The following SNTB1 variants were observed in gnomAD, a reference collection of about 807,000 sequenced individuals.
SNTB1 encodes beta-1-syntrophin.
A neutral mutation model predicts 48.9 loss-of-function variants in SNTB1; 36 were observed. That is an observed-to-expected ratio of 0.74 (90% confidence interval 0.56 to 0.97). SNTB1 has a LOEUF of 0.97. Ranked by LOEUF, SNTB1 falls within the 50% of genes least tolerant of loss-of-function variation. The pLI is 0.00. For synonymous variants in SNTB1, 299 were observed against 294.6 expected (o/e 1.01, Z -0.15); for missense variants, 786 against 703.4 (o/e 1.12, Z -1.33).
chr8:120,667,100 C>CTTCT (rs369643292), intron 2 of SNTB1, among the ~76,000 whole-genome samples: 70,526 of 139,814 alleles, frequency 0.5, 18,395 homozygotes, highest in East Asian at 0.69. Context: ...TCTCTCTCTT[C>CTTCT]TTTTTTTTTT....
chr8:120,622,655 ACTT>A (rs1473074470), intron 3 of SNTB1, among the ~76,000 whole-genome samples: 20 of 152,274 alleles, frequency 1.3e-4, no homozygotes, highest in African/African-American at 4.8e-4. Context: ...ATAAAAGTAA[ACTT>A]CTAGGTGGTG....
chr8:120,551,834 C>T (rs1196769543), intron 4 of SNTB1, among the ~76,000 whole-genome samples: 2 of 151,970 alleles, frequency 1.3e-5, no homozygotes, highest in African/African-American at 4.8e-5. Context: ...CATTCTTACA[C>T]CTACCCTTAG....
intron 6 of SNTB1, among the ~76,000 whole-genome samples, chr8:120,541,003 A>T (rs985834294): frequency 6.6e-6 from 1 of 152,210 alleles, no homozygotes; most frequent in Admixed American, 6.5e-5. Context: ...AGTCATTACG[A>T]AATCAAAGGC....
chr8:120,698,187 ATTC>A (rs1818242415), intron 1 of SNTB1, among the ~76,000 whole-genome samples: 1 of 152,108 alleles, frequency 6.6e-6, no homozygotes, highest in Non-Finnish European at 1.5e-5. Flanking sequence ...ATAAGGTATG[ATTC>A]TTCTTTATAC....
At chr8:120,548,675 T>C in intron 5 of SNTB1, 87 bp downstream of exon 5, 3 of 1,183,690 alleles carry the variant, frequency 2.5e-6, no homozygotes, top group Non-Finnish European at 3.7e-6. Flanking sequence ...CAGAGGCCAG[T>C]GATGAAAACT....
intron 2 of SNTB1, among the ~76,000 whole-genome samples, chr8:120,634,431 G>A (rs1276073992): frequency 2.0e-5 from 3 of 151,938 alleles, no homozygotes; most frequent in African/African-American, 7.3e-5. Context: ...TGGAACTTTG[G>A]AGAGAGAGAG....
intron 4 of SNTB1, chr8:120,571,399 G>C (rs1168018674): frequency 1.6e-6 from 2 of 1,213,796 alleles, no homozygotes; most frequent in African/African-American, 1.6e-5. Flanking sequence ...AATAGCGATT[G>C]GGCCGAATTC....
At chr8:120,792,869 A>G (rs976915756) in intron 1 of SNTB1, among the ~76,000 whole-genome samples, 1 of 152,034 alleles carries the variant, frequency 6.6e-6, no homozygotes, top group Admixed American at 6.6e-5. Flanking sequence ...TGCCTGAAAT[A>G]TAATTTCAAC....
In SNTB1 at chr8:120,611,365, C is replaced by T. The variant is rs1010564525; in HGVS notation, c.996+21079G>A. Among the ~76,000 whole-genome samples the T allele has an allele frequency of 1.8e-4, 26 of 147,160 alleles. 1 individual carries two copies. The highest frequency in any genetic ancestry group is 2.3e-4 in the Non-Finnish European group (15 of 66,332). On this transcript the variant is annotated intron_variant, in intron 3 of 6. Transcript: ENST00000517992. Reference sequence around the variant, plus strand: ...CAATTAGAAGCTCTGGAAAAAAAATCGTTAATAAGGAAACTGGGACTGTTA... The same window carrying T: ...CAATTAGAAGCTCTGGAAAAAAAATTGTTAATAAGGAAACTGGGACTGTTA...
chr8:120,745,937 C>T (rs1819118138), intron 1 of SNTB1, among the ~76,000 whole-genome samples: 1 of 152,174 alleles, frequency 6.6e-6, no homozygotes, highest in South Asian at 2.1e-4. Context: ...TCCTTACAGA[C>T]CATGCCCAAG....
chr8:120,734,183 C>A (rs1818900027), intron 1 of SNTB1, among the ~76,000 whole-genome samples: 1 of 152,170 alleles, frequency 6.6e-6, no homozygotes, highest in South Asian at 2.1e-4. Flanking sequence ...ATGGTTCATG[C>A]CTGTAATCCC....
intron 4 of SNTB1, among the ~76,000 whole-genome samples, chr8:120,565,590 A>G (rs1484599765): frequency 1.3e-5 from 2 of 152,240 alleles, no homozygotes; most frequent in Non-Finnish European, 2.9e-5. Context: ...CATCTAAGTG[A>G]AAAGGAAGGG....
chr8:120,555,803 C>T (rs1056030140), intron 4 of SNTB1, among the ~76,000 whole-genome samples: 7 of 152,088 alleles, frequency 4.6e-5, no homozygotes, highest in Admixed American at 1.3e-4. Flanking sequence ...CCAACGGAAC[C>T]GTGTTCTTAT....
chr8:120,712,283 C>T lies in SNTB1; in HGVS notation c.572-18375G>A, dbSNP rs562081477. Among the ~76,000 whole-genome samples, 9 of 151,792 alleles carry T rather than the reference C, an allele frequency of 5.9e-5. No individual in the cohort carries two copies. In the East Asian group the frequency reaches 9.7e-4, roughly 16 times the overall value. On this transcript the variant is annotated intron_variant, in intron 1 of 6. Transcript: ENST00000517992. ...TAAAAAAATTAGCCAGGCGTGGTGG[C>T]GGGTGCCTGTAGTCCCGGCTACTCA...
At chr8:120,591,009 A>T (rs920792469) in intron 3 of SNTB1, among the ~76,000 whole-genome samples, 1 of 152,082 alleles carries the variant, frequency 6.6e-6, no homozygotes, top group Non-Finnish European at 1.5e-5. Context: ...AACCTAACAC[A>T]TATCACTTTC....
At chr8:120,695,464 G>A (rs1046835384) in intron 1 of SNTB1, among the ~76,000 whole-genome samples, 1 of 152,256 alleles carries the variant, frequency 6.6e-6, no homozygotes, top group African/African-American at 2.4e-5. Context: ...AACAGAAGCC[G>A]CTAAGCTCAG....
intron 1 of SNTB1, among the ~76,000 whole-genome samples, chr8:120,810,966 C>G (rs534123366): frequency 6.6e-6 from 1 of 152,284 alleles, no homozygotes; most frequent in Admixed American, 6.5e-5. Context: ...AAAAATGAAA[C>G]AACGTATACT....
chr8:120,664,349 T>C (rs535111389), intron 2 of SNTB1, among the ~76,000 whole-genome samples: 1 of 152,188 alleles, frequency 6.6e-6, no homozygotes, highest in Non-Finnish European at 1.5e-5. Flanking sequence ...TGCAAGACTA[T>C]TTCTATAACT....
chr8:120,611,613 G>T (rs752090683), intron 3 of SNTB1, among the ~76,000 whole-genome samples: 5 of 151,880 alleles, frequency 3.3e-5, no homozygotes, highest in Non-Finnish European at 7.4e-5. Context: ...ACAAGGTCAG[G>T]AGATCGAGAC....
Sources: gnomAD v4.1 joint callset for allele counts (sites outside exome capture counted in the v4.1 genomes callset) on GRCh38, gnomAD v4.1.1 for gene constraint, MANE v1.5 for transcripts, NCBI Gene and HGNC (gene_info 2026-07-23, HGNC 2026-07-21) for gene names.